NUFIP1: variants seen among roughly 807,000 people sequenced by gnomAD.
NUFIP1 encodes the protein FMR1-interacting protein NUFIP1.
Under a neutral mutation model 56.2 loss-of-function variants are expected in NUFIP1, and 38 were observed. The observed-to-expected ratio is 0.68, with a 90% CI of 0.52 to 0.89. The LOEUF is 0.89. Among genes scored for constraint, NUFIP1 ranks in the 40% least tolerant of loss-of-function variants. NUFIP1 has a pLI of 0.00. For synonymous variants in NUFIP1, 215 were observed against 212.4 expected, an observed-to-expected ratio of 1.01 and a Z score of -0.10; for missense variants, 567 against 605.8, an observed-to-expected ratio of 0.94 and a Z score of 0.67.
chr13:44,979,082 G>A (rs1210428207), intron 5 of NUFIP1, 108 bp downstream of exon 5: 1 of 840,340 alleles, frequency 1.2e-6, no homozygotes, highest in Non-Finnish European at 1.9e-6. Context: ...ATGCCTTATG[G>A]TCCTCTTCCC....
chr13:44,986,037 C>T (rs1872377008), intron 1 of NUFIP1, among the ~76,000 whole-genome samples: 1 of 152,178 alleles, frequency 6.6e-6, no homozygotes, highest in Non-Finnish European at 1.5e-5. Flanking sequence ...CTCATTGCAG[C>T]CTCAAACTCC....
intron 1 of NUFIP1, among the ~76,000 whole-genome samples, chr13:44,988,550 A>G (rs201687753): frequency 6.6e-6 from 1 of 152,088 alleles, no homozygotes; most frequent in South Asian, 2.1e-4. Flanking sequence ...ACAATATTTT[A>G]TTTTGCTTAT....
chr13:44,961,599 T>A (rs868089273), intron 6 of NUFIP1, among the ~76,000 whole-genome samples: 1 of 152,190 alleles, frequency 6.6e-6, no homozygotes, highest in African/African-American at 2.4e-5. Flanking sequence ...AATTAATATA[T>A]ATGTATAGTC....
chr13:44,979,980 CTATT>C (rs1207476120), intron 3 of NUFIP1, 28 bp from the exon 4 acceptor site: 34 of 1,477,532 alleles, frequency 2.3e-5, no homozygotes, highest in Non-Finnish European at 3.0e-5. Flanking sequence ...AAAAAAAAAA[CTATT>C]TAACAAATGT....
intron 7 of NUFIP1, among the ~76,000 whole-genome samples, chr13:44,952,207 C>T (rs1871106913): frequency 6.6e-6 from 1 of 151,986 alleles, no homozygotes; most frequent in Non-Finnish European, 1.5e-5. Context: ...GAGTGCAGTG[C>T]ATTCTACCTC....
rs763910018 is a variant in NUFIP1 at position 44,982,080 on chromosome 13, T to C, written c.487A>G (p.Lys163Glu). The change falls in exon 2 of 10, where the codon AAA becomes GAA. Residue 163 changes from lysine to glutamate, a missense_variant. By Grantham distance (56) the Lys-to-Glu change is moderately conservative. Transcript: ENST00000379161. The stretch of plus-strand genomic sequence containing the variant: ...GAACATCTTTCAAATACCTTTTTTT[T>C]CTGTTTTCTACTGGGAGGTAAGCTG... ...DFSLPPSRKQKKKKRKEPVFH... is the reference protein window; with the variant it reads ...DFSLPPSRKQEKKKRKEPVFH... The C allele has an allele frequency of 6.0e-6, 9 of 1,494,570 alleles. No individual in the cohort carries two copies. Among genetic ancestry groups the C allele is most frequent in the South Asian group, 1.5e-5 (1 of 65,346 alleles). The allele number at this position is 1,494,570 out of a possible 1,614,324, so 92.6% of individuals were successfully genotyped here. A position where few individuals can be genotyped will look rare whatever the true frequency, so the allele number is the denominator to read the frequency against.
chr13:44,956,772 C>T (rs543568527), intron 7 of NUFIP1, among the ~76,000 whole-genome samples: 1 of 152,270 alleles, frequency 6.6e-6, no homozygotes, highest in South Asian at 2.1e-4. Flanking sequence ...CAGATGAAGC[C>T]ATGCTTGCTC....
chr13:44,967,607 G>A (rs1340167868), intron 5 of NUFIP1, among the ~76,000 whole-genome samples: 1 of 152,154 alleles, frequency 6.6e-6, no homozygotes, highest in African/African-American at 2.4e-5. Context: ...GGGAGACTCA[G>A]GCCAAAATGT....
intron 5 of NUFIP1, among the ~76,000 whole-genome samples, chr13:44,975,316 G>C (rs1172544730): frequency 6.6e-6 from 1 of 151,984 alleles, no homozygotes; most frequent in Non-Finnish European, 1.5e-5. Flanking sequence ...TCTTCAAATA[G>C]ATGCCTCAGG....
At chr13:44,947,358 C>A (rs1300381832) in intron 8 of NUFIP1, among the ~76,000 whole-genome samples, 1 of 151,514 alleles carries the variant, frequency 6.6e-6, no homozygotes, top group Non-Finnish European at 1.5e-5. Context: ...CCTGTCTCAG[C>A]CTCCTGTGTA....
intron 5 of NUFIP1, among the ~76,000 whole-genome samples, chr13:44,968,962 T>C (rs1458114594): frequency 6.6e-6 from 1 of 152,156 alleles, no homozygotes; most frequent in Non-Finnish European, 1.5e-5. Flanking sequence ...AAACAGCTAA[T>C]TTTCTCTTTC....
intron 1 of NUFIP1, among the ~76,000 whole-genome samples, chr13:44,983,427 T>C (rs1872266526): frequency 6.6e-6 from 1 of 151,186 alleles, no homozygotes; most frequent in African/African-American, 2.4e-5. Flanking sequence ...TCCACCTGCC[T>C]CGGCCTCCCA....
At chr13:44,980,665 T>C (rs541831653) in intron 3 of NUFIP1, 57 bp downstream of exon 3, 2 of 1,127,712 alleles carry the variant, frequency 1.8e-6, no homozygotes, top group Non-Finnish European at 2.6e-6. Context: ...CTACCAAATA[T>C]ACAGATAGAA....
chr13:44,951,314 A>G (rs1164081819), intron 7 of NUFIP1, among the ~76,000 whole-genome samples: 1 of 152,216 alleles, frequency 6.6e-6, no homozygotes, highest in East Asian at 1.9e-4. Flanking sequence ...TAATAGTTGA[A>G]TATTATGCTC....
chr13:44,964,247 C>A (rs1243532747), intron 6 of NUFIP1, among the ~76,000 whole-genome samples: 1 of 152,076 alleles, frequency 6.6e-6, no homozygotes, highest in East Asian at 1.9e-4. Flanking sequence ...AATCAGACTT[C>A]ATGAAAATTG....
chr13:44,956,675 G>A (rs1257749939), intron 7 of NUFIP1, among the ~76,000 whole-genome samples: 5 of 152,240 alleles, frequency 3.3e-5, no homozygotes, highest in East Asian at 3.9e-4. Flanking sequence ...TAGGGTTCAC[G>A]CTCCTATGAG....
chr13:44,964,184 T>A (rs1450455343), intron 6 of NUFIP1, among the ~76,000 whole-genome samples: 1 of 152,156 alleles, frequency 6.6e-6, no homozygotes, highest in Non-Finnish European at 1.5e-5. Flanking sequence ...AAGCAAAAGT[T>A]TTTTTTAAGG....
intron 5 of NUFIP1, among the ~76,000 whole-genome samples, chr13:44,967,269 C>T (rs891163972): frequency 6.6e-6 from 1 of 151,938 alleles, no homozygotes; most frequent in African/African-American, 2.4e-5. Flanking sequence ...TGGTGGCTCA[C>T]GTCTGTAATC....
At chr13:44,969,663 C>G (rs986200829) in intron 5 of NUFIP1, among the ~76,000 whole-genome samples, 3 of 152,160 alleles carry the variant, frequency 2.0e-5, no homozygotes, top group African/African-American at 7.2e-5. Flanking sequence ...TTTTTTACCT[C>G]TTCTTCACCT....
Sources: allele counts gnomAD v4.1 joint callset (sites outside exome capture counted in the v4.1 genomes callset), GRCh38; gene constraint gnomAD v4.1.1; transcripts MANE v1.5; gene names NCBI Gene and HGNC (gene_info 2026-07-23, HGNC 2026-07-21).